FAM187A: variants seen among roughly 807,000 people sequenced by gnomAD.
FAM187A encodes Ig-like V-type domain-containing protein FAM187A.
Under a neutral mutation model 6.4 loss-of-function variants are expected in FAM187A, and 4 were observed. That is an observed-to-expected ratio of 0.63 (90% CI 0.31 to 1.44). The LOEUF is 1.44. Ranked by LOEUF, FAM187A falls within the 40% of genes most tolerant of loss-of-function variation. FAM187A has a pLI of 0.07. For synonymous variants in FAM187A, 221 were observed against 213.4 expected, an observed-to-expected ratio of 1.04 and a Z score of -0.31; for missense variants, 463 against 542.2, an observed-to-expected ratio of 0.85 and a Z score of 1.45.
exon 4 of FAM187A, chr17:44,904,007 G>A (rs765331988): frequency 6.4e-7 from 1 of 1,550,638 alleles, no homozygotes; most frequent in East Asian, 2.4e-5. Flanking sequence ...ACCCGAAGAG[G>A]TGCCAGCTGT....
At chr17:44,904,391 T>TGGCGCATCGGCCTCTGCTACCTGC in exon 4 of FAM187A, 2 of 1,542,620 alleles carry the variant, frequency 1.3e-6, no homozygotes, top group Non-Finnish European at 1.8e-6. Context: ...TGGGGAGCAG[T>TGGCGCATCGGCCTCTGCTACCTGC]GGCGCATCGG....
At chr17:44,903,946 A>C in exon 4 of FAM187A, 1 of 1,550,546 alleles carries the variant, frequency 6.4e-7, no homozygotes, top group Non-Finnish European at 8.7e-7. Context: ...TGATGTTTGA[A>C]AATGCAGCCT....
chr17:44,904,394 C>A, exon 4 of FAM187A: 1 of 1,542,106 alleles, frequency 6.5e-7, no homozygotes, highest in Non-Finnish European at 8.8e-7. Flanking sequence ...GGAGCAGTGG[C>A]GCATCGGCCT....
exon 4 of FAM187A, chr17:44,903,835 C>T (rs928609443): frequency 1.5e-5 from 24 of 1,549,578 alleles, no homozygotes; most frequent in East Asian, 4.9e-5. Context: ...CAGGTATGCA[C>T]CTGGCCCTCA....
In FAM187A at chr17:44,903,521, C is replaced by T. The variant is rs1232057496; in HGVS notation, c.-309C>T. 8.6e-6 allele frequency: 11 copies of T among 1,285,664 alleles called. No homozygotes were observed. The Admixed American group carries it at 2.2e-4, about 26-fold the overall frequency. The allele number at this position is 1,285,664 out of a possible 1,614,324, so 79.6% of individuals were successfully genotyped here. On this transcript the variant is annotated 5_prime_UTR_variant, in exon 4 of 4. Coordinates refer to ENST00000331733, the Ensembl canonical transcript of FAM187A. ...GCACCTCGGCCCGCCCTTCTCATTC[C>T]GGTTTCCTTTGACCCATTCTTGGGT...
At chr17:44,903,895 G>T in exon 4 of FAM187A, 1 of 1,550,658 alleles carries the variant, frequency 6.4e-7, no homozygotes, top group Non-Finnish European at 8.7e-7. Flanking sequence ...AAATTGTGGA[G>T]AAGGAAAACA....
At chr17:44,904,156 C>CTTG (rs969343931) in exon 4 of FAM187A, 1 of 1,550,232 alleles carries the variant, frequency 6.5e-7, no homozygotes, top group African/African-American at 1.4e-5. Context: ...GCATGTTCAG[C>CTTG]TTGTTGGTTT....
exon 4 of FAM187A, chr17:44,904,553 C>G (rs922255682): frequency 1.3e-6 from 2 of 1,550,470 alleles, no homozygotes; most frequent in African/African-American, 2.7e-5. Context: ...CTGCTTAGTA[C>G]CCTGTGAGAA....
chr17:44,904,355 A>G (rs1169543277), exon 4 of FAM187A: 1 of 1,542,298 alleles, frequency 6.5e-7, no homozygotes, highest in South Asian at 1.2e-5. Flanking sequence ...CTGGGAATGG[A>G]CCCCCTGTGA....
At chr17:44,904,370 T>C in exon 4 of FAM187A, 3 of 1,543,802 alleles carry the variant, frequency 1.9e-6, no homozygotes, top group South Asian at 2.4e-5. Context: ...CTGTGACCGC[T>C]GCGGAGTGCG....
At position 44,905,147 on chromosome 17, in the gene FAM187A, A is replaced by G. The variant is rs1222013223; in HGVS notation, c.*76A>G. ...TGATACCAGATGTCTCTGGGTGGGT[A>G]CCCTGGGTTGGGACAGGTGGTAGGA... is the stretch of plus-strand genomic sequence containing the variant. On this transcript the variant is annotated 3_prime_UTR_variant, in exon 4 of 4. Transcript: ENST00000331733. 3.2e-6 allele frequency: 4 copies of G among 1,233,662 alleles called. No homozygotes were observed. In the South Asian group the frequency reaches 4.6e-5, roughly 14 times the overall value. The allele number at this position is 1,233,662 out of a possible 1,614,324, so 76.4% of individuals were successfully genotyped here.
exon 4 of FAM187A, chr17:44,904,394 C>T (rs548926430): frequency 3.4e-5 from 53 of 1,542,106 alleles, no homozygotes; most frequent in Non-Finnish European, 4.3e-5. Flanking sequence ...GGAGCAGTGG[C>T]GCATCGGCCT....
exon 4 of FAM187A, chr17:44,903,828 G>T (rs758002210): frequency 1.1e-4 from 175 of 1,548,992 alleles, no homozygotes; most frequent in Non-Finnish European, 1.4e-4. Context: ...CCTCCTTCAG[G>T]TATGCACCTG....
At chr17:44,904,700 G>A in exon 4 of FAM187A, 1 of 1,550,562 alleles carries the variant, frequency 6.4e-7, no homozygotes, top group South Asian at 1.2e-5. Flanking sequence ...CTCCTGTCCT[G>A]GGGCCCGGCC....
Position 44,904,096 on chromosome 17 carries a change from G to C in FAM187A, c.267G>C (p.Glu89Asp), listed in dbSNP as rs535786561. The change falls in exon 4 of 4, where the codon GAG (glutamate) becomes GAC (aspartate). Residue 89 changes from glutamate to aspartate, a missense_variant. Coordinates refer to ENST00000331733, the Ensembl canonical transcript of FAM187A. The stretch of plus-strand genomic sequence containing the variant: ...ACTTTGATGGGCGGGTGCTGACGGA[G>C]GCAGCCCAGGTACGTGTGGGCAGCG... 2.0e-5 allele frequency: 31 copies of C among 1,550,654 alleles called. 1 individual carries two copies. The Admixed American group carries it at 3.5e-4, about 18-fold the overall frequency.
At chr17:44,903,536 C>G (rs534967532) in exon 4 of FAM187A, 26 of 1,322,756 alleles carry the variant, frequency 2.0e-5, no homozygotes, top group Non-Finnish European at 2.3e-5. Context: ...TCCTTTGACC[C>G]ATTCTTGGGT....
chr17:44,904,799 A>G lies in FAM187A; in HGVS notation c.970A>G (p.Ile324Val), dbSNP rs188617799. ...TGTCAACAGGTCCATGAGGGTGTTC[A>G]TTGACCACGGCAACCAGCTCCACAT... Residue 324 changes from isoleucine (I) to valine (V), a missense_variant, in exon 4 of 4, where the codon ATT becomes GTT. Coordinates refer to ENST00000331733, the Ensembl canonical transcript of FAM187A. 1.1e-3 allele frequency: 1,688 copies of G among 1,550,628 alleles called. 2 individuals are homozygous for G. Among genetic ancestry groups the G allele is most frequent in the Admixed American group, 2.7e-3 (140 of 51,002 alleles).
chr17:44,904,038 A>C (rs1597848152), exon 4 of FAM187A: 1 of 1,550,598 alleles, frequency 6.4e-7, no homozygotes, highest in Non-Finnish European at 8.7e-7. Context: ...TACCAAAAGC[A>C]CCTAGGTAGC....
Position 44,904,198 on chromosome 17 carries a change from C to A in FAM187A, c.369C>A (p.Tyr123Ter), listed in dbSNP as rs780559028. The A allele has an allele frequency of 6.4e-7, 1 of 1,550,470 alleles. No individual in the cohort carries two copies. The highest frequency in any genetic ancestry group is 2.4e-5 in the East Asian group (1 of 40,940). Residue 123 changes from tyrosine (Y) to a stop codon, truncating the protein, a stop_gained, in exon 4 of 4, where the codon TAC becomes TAA. Coordinates refer to ENST00000331733, the Ensembl canonical transcript of FAM187A. LOFTEE classifies it high-confidence loss of function. ...CTCAGTCTGAGGACTCAGGCCTGTA[C>A]TTCTGCGGCACCCGCAAGGGGGACT...
Sources: gnomAD v4.1 joint callset for allele counts on GRCh38, gnomAD v4.1.1 for gene constraint, MANE v1.5 for transcripts, NCBI Gene and HGNC (gene_info 2026-07-23, HGNC 2026-07-21) for gene names.